The following MYH2 variants were observed in gnomAD, a reference collection of about 807,000 sequenced individuals.
MYH2 encodes myosin-2.
MYH2 carries 139 observed loss-of-function variants against 228.1 expected under a neutral mutation model. The ratio of observed to expected loss-of-function variants is 0.61; its 90% CI spans 0.53 to 0.70. The LOEUF (loss-of-function observed/expected upper bound fraction) is 0.70, where lower values mean the gene tolerates loss of function less well. MYH2 is among the 30% of genes least tolerant of loss of function. The pLI is 0.00. For synonymous variants in MYH2, 796 were observed against 871.1 expected (o/e 0.91, Z 1.52); for missense variants, 1,809 against 2,357.5 (o/e 0.77, Z 4.82).
In MYH2 at chr17:10,533,562, G is replaced by A. The variant is rs2073449512; in HGVS notation, c.2251C>T (p.Leu751Phe). Residue 751 changes from leucine (L) to phenylalanine (F), a missense_variant, in exon 20 of 40, where the codon CTC becomes TTC. Transcript: ENST00000245503. ...TGGTCAATGTCGATGGATGCAAGGAGCTTCTCAGAGGCCTTCTTGCTATCA... is the reference window on the plus strand; with the variant it reads ...TGGTCAATGTCGATGGATGCAAGGAACTTCTCAGAGGCCTTCTTGCTATCA... Reference protein sequence around the residue: ...FIDSKKASEKLLASIDIDHTQ... With the variant: ...FIDSKKASEKFLASIDIDHTQ... The A allele has an allele frequency of 6.2e-7, 1 of 1,614,050 alleles. No homozygotes were observed. The highest frequency in any genetic ancestry group is 1.3e-5 in the African/African-American group (1 of 74,932).
At chr17:10,535,387 T>C (rs772877819) in intron 17 of MYH2, 22 bp from the exon 18 acceptor site, 4 of 1,600,514 alleles carry the variant, frequency 2.5e-6, no homozygotes, top group South Asian at 1.1e-5. Flanking sequence ...GGAAAAATCC[T>C]GTCATTTTAG....
At position 10,549,417 on chromosome 17, in the gene MYH2, T is replaced by G. The variant is rs2142327534; in HGVS notation, c.-63A>C. On this transcript the variant is annotated splice_region_variant and 5_prime_UTR_variant, in exon 2 of 40. Transcript: ENST00000245503. ...AGATGTAGCCTGGGAGTGAGACAGT[T>G]CTATAAAAGAAAAGGGAAAAGCACT... 1 of 152,740 alleles carries G rather than the reference T, an allele frequency of 6.5e-6. No individual in the cohort carries two copies. The highest frequency in any genetic ancestry group is 1.9e-4 in the East Asian group (1 of 5,182). 9.5% of individuals were successfully genotyped at this position (152,740 alleles called of 1,614,324 possible).
chr17:10,544,989 TTGTA>T (rs1206324285), intron 5 of MYH2, among the ~76,000 whole-genome samples: 1 of 150,410 alleles, frequency 6.6e-6, no homozygotes, highest in Non-Finnish European at 1.5e-5. Context: ...GAGACACAGT[TTGTA>T]TGTGTGATTG....
Position 10,537,153 on chromosome 17 carries a change from C to G in MYH2, c.1897+80G>C, listed in dbSNP as rs1021258115. On this transcript the variant is annotated intron_variant, in intron 16 of 39. Transcript: ENST00000245503. The surrounding 1 kb of genome is among the most constrained non-coding windows in gnomAD (Gnocchi z 4.0). ...GGGGCTTGGTCTGCAACCCTTCTGC[C>G]AGACCTAAGAGATCACTAGCTTCAA... 1.9e-6 allele frequency: 3 copies of G among 1,586,770 alleles called. No homozygotes were observed. Among genetic ancestry groups the G allele is most frequent in the African/African-American group, 2.7e-5 (2 of 74,422 alleles).
chr17:10,529,720 C>G lies in MYH2; in HGVS notation c.2961G>C (p.Glu987Asp). Residue 987 changes from glutamate to aspartate, a missense_variant, in exon 24 of 40, where the codon GAG becomes GAC. Coordinates refer to ENST00000245503, the MANE Select transcript of MYH2 (RefSeq NM_017534.6). ...CAATGGTTTCATCCAGACCTGCCAT[C>G]TCTTCTGTGAGGTTTTTCACCTACA... ...TENKVKNLTE[E>D]MAGLDETIAK... The G allele has an allele frequency of 6.2e-7, 1 of 1,614,002 alleles. No individual in the cohort carries two copies. Among genetic ancestry groups the G allele is most frequent in the Non-Finnish European group, 8.5e-7 (1 of 1,180,032 alleles).
Position 10,547,608 on chromosome 17 carries a change from A to G in MYH2, c.215T>C (p.Val72Ala). The G allele has an allele frequency of 1.2e-6, 2 of 1,614,132 alleles. No individual in the cohort carries two copies. The highest frequency in any genetic ancestry group is 1.7e-6 in the Non-Finnish European group (2 of 1,180,026). The change falls in exon 4 of 40, where the codon GTG becomes GCG. Residue 72 changes from valine (V) to alanine (A), a missense_variant. Val to Ala is a moderately conservative substitution (Grantham distance 64, BLOSUM62 0). This residue lies in a region of MYH2 where 373 missense variants were observed against 620.4 expected (regional missense o/e 0.60). Coordinates refer to ENST00000245503, the MANE Select transcript of MYH2 (RefSeq NM_017534.6). ...VKTEGGATLT[V>A]KDDQVFPMNP... Reference sequence around the variant, plus strand: ...CATGGGGAAGACCTGATCATCCTTCACTGTCAGAGTCTGGTAAACAGGAAA... The same window carrying G: ...CATGGGGAAGACCTGATCATCCTTCGCTGTCAGAGTCTGGTAAACAGGAAA...
At chr17:10,535,688 G>C (rs1312347195) in intron 17 of MYH2, among the ~76,000 whole-genome samples, 3 of 152,166 alleles carry the variant, frequency 2.0e-5, no homozygotes, top group Non-Finnish European at 1.5e-5. Flanking sequence ...TCCCATGCGA[G>C]ATGATCGCTC....
intron 14 of MYH2, among the ~76,000 whole-genome samples, chr17:10,538,529 C>T (rs2073510077): frequency 6.6e-6 from 1 of 151,438 alleles, no homozygotes; most frequent in Non-Finnish European, 1.5e-5. Context: ...CCTGTAGTCC[C>T]AGCTATTCGG....
At chr17:10,527,938 A>C in intron 27 of MYH2, 64 bp from the exon 28 acceptor site, 1 of 1,570,838 alleles carries the variant, frequency 6.4e-7, no homozygotes, top group African/African-American at 1.3e-5. Flanking sequence ...TCACCTTTGC[A>C]GTTACTGTAA....
rs778350338 is a variant in MYH2, at chr17:10,523,582, C to T, written c.5386G>A (p.Val1796Met). The T allele has an allele frequency of 8.1e-6, 13 of 1,614,112 alleles. 1 individual carries two copies. Among genetic ancestry groups the T allele is most frequent in the South Asian group, 3.3e-5 (3 of 91,082 alleles). Residue 1796 changes from valine (V) to methionine (M), a missense_variant, in exon 37 of 40, where the codon GTG (valine) becomes ATG (methionine). Val to Met is a conservative substitution (Grantham distance 21). Around this residue, in one of 9 missense-constraint regions of MYH2, gnomAD observed 278 missense variants for 308.5 expected, o/e 0.90. Transcript: ENST00000245503. ...TCCAGACGGAGCTGCAGATCCTTCA[C>T]GGTCTGCTCCATGTTCTTCTTCATC... is the stretch of plus-strand genomic sequence containing the variant. ...ERMKKNMEQT[V>M]KDLQLRLDEA...
chr17:10,541,640 C>T (rs547915134), intron 10 of MYH2, among the ~76,000 whole-genome samples: 5 of 152,312 alleles, frequency 3.3e-5, no homozygotes, highest in South Asian at 2.1e-4. Context: ...ACACCCTATT[C>T]GTACACTCCC....
rs907353467 is a variant in MYH2, at chr17:10,524,420, G to A, written c.5175+46C>T. On this transcript the variant is annotated intron_variant, in intron 35 of 39. Coordinates refer to ENST00000245503, the MANE Select transcript of MYH2 (RefSeq NM_017534.6). This position sits in a 1 kb window ranked among gnomAD's most constrained non-coding sequence, Gnocchi z 4.7. ...TGAAAACTCAGGCTTATCTATTCTG[G>A]GACATATAAAATTTACTAAGGAGAG... 29 of 1,611,582 alleles carry A rather than the reference G, an allele frequency of 1.8e-5. No homozygotes were observed. Among genetic ancestry groups the A allele is most frequent in the Non-Finnish European group, 2.4e-5 (28 of 1,177,828 alleles).
intron 22 of MYH2, among the ~76,000 whole-genome samples, chr17:10,531,410 A>G (rs947491095): frequency 1.3e-5 from 2 of 152,216 alleles, no homozygotes; most frequent in Non-Finnish European, 2.9e-5. Flanking sequence ...ATTGTGTACA[A>G]TGGAAAATGA....
intron 11 of MYH2, 122 bp from the exon 12 acceptor site, chr17:10,540,188 T>C: frequency 7.5e-7 from 1 of 1,339,904 alleles, no homozygotes; most frequent in Non-Finnish European, 1.1e-6. Flanking sequence ...AGGAACCCCT[T>C]AGATTGGGTA....
rs185901064 is a variant in MYH2, at chr17:10,521,278, G to A, written c.*2C>T. 20 of 1,613,538 alleles carry A rather than the reference G, an allele frequency of 1.2e-5. No homozygotes were observed. In the East Asian group the frequency reaches 4.2e-4, roughly 34 times the overall value. On this transcript the variant is annotated 3_prime_UTR_variant, in exon 40 of 40. Transcript: ENST00000245503. ...CAGTCATTCCATGGCATCAGGACAT[G>A]ATCACTCTTCACTTATGACTTTTGT...
In MYH2 at chr17:10,537,633, G is replaced by T; in HGVS notation, c.1587+32C>A. ...AAAAGCAGCGAATAATATAGTTGCC[G>T]CAAAATATGGTTTCAGAAATGCAAA... On this transcript the variant is annotated intron_variant, in intron 15 of 39. Coordinates refer to ENST00000245503, the MANE Select transcript of MYH2 (RefSeq NM_017534.6). The surrounding 1 kb of genome is among the most constrained non-coding windows in gnomAD (Gnocchi z 4.0). The T allele has an allele frequency of 3.7e-6, 6 of 1,614,056 alleles. No homozygotes were observed. The highest frequency in any genetic ancestry group is 3.4e-6 in the Non-Finnish European group (4 of 1,180,000).
intron 4 of MYH2, among the ~76,000 whole-genome samples, chr17:10,546,269 A>G (rs1158394757): frequency 1.0e-5 from 1 of 96,018 alleles, no homozygotes. Flanking sequence ...ATATATATAT[A>G]TATATATATA....
chr17:10,525,092 G>A lies in MYH2; in HGVS notation c.4663-27C>T. ...TTAATGACAGCAAGAGGTGACATTAGCAAGGAACCAAAAGCTTTATGAAGT... is the reference window on the plus strand; with the variant it reads ...TTAATGACAGCAAGAGGTGACATTAACAAGGAACCAAAAGCTTTATGAAGT... On this transcript the variant is annotated intron_variant, in intron 33 of 39. Coordinates refer to ENST00000245503, the MANE Select transcript of MYH2 (RefSeq NM_017534.6). The surrounding 1 kb of genome is among the most constrained non-coding windows in gnomAD (Gnocchi z 4.2). 4 of 1,614,088 alleles carry A rather than the reference G, an allele frequency of 2.5e-6. No individual in the cohort carries two copies. The highest frequency in any genetic ancestry group is 3.4e-6 in the Non-Finnish European group (4 of 1,180,028).
At chr17:10,522,994 C>T in intron 39 of MYH2, 96 bp downstream of exon 39, 2 of 795,432 alleles carry the variant, frequency 2.5e-6, no homozygotes, top group African/African-American at 1.7e-5. Flanking sequence ...GTTAAATATG[C>T]ATGCAGTAGT....
Sources: allele counts gnomAD v4.1 joint callset (sites outside exome capture counted in the v4.1 genomes callset), GRCh38; gene constraint gnomAD v4.1.1; regional missense constraint gnomAD v4.1.1; non-coding constraint Gnocchi (gnomAD v3.1); transcripts MANE v1.5; gene names NCBI Gene and HGNC (gene_info 2026-07-23, HGNC 2026-07-21).